The following BACH1 variants were observed in gnomAD, a reference collection of about 807,000 sequenced individuals.
BACH1 encodes the protein transcription regulator protein BACH1.
Under a neutral mutation model 52.9 loss-of-function variants are expected in BACH1, and 35 were observed. The ratio of observed to expected loss-of-function variants is 0.66; its 90% CI spans 0.51 to 0.88. The LOEUF (loss-of-function observed/expected upper bound fraction) is 0.88. Ranked by LOEUF, BACH1 falls within the 40% of genes least tolerant of loss-of-function variation. The pLI is 0.00. For missense variants in BACH1, 808 were observed against 872.6 expected (o/e 0.93, Z 0.93); for synonymous variants, 321 against 319.6 (o/e 1.00, Z -0.05).
At chr21:29,329,268 A>G (rs2088953313) in intron 3 of BACH1, among the ~76,000 whole-genome samples, 1 of 152,198 alleles carries the variant, frequency 6.6e-6, no homozygotes, top group African/African-American at 2.4e-5. Context: ...TGATTGTGCC[A>G]CCGTACTCCT....
intron 4 of BACH1, among the ~76,000 whole-genome samples, chr21:29,334,225 G>A (rs2089018997): frequency 6.6e-6 from 1 of 151,532 alleles, no homozygotes; most frequent in African/African-American, 2.4e-5. Context: ...GGCCTCCCGA[G>A]TAGCTGGGAC....
downstream of BACH1, among the ~76,000 whole-genome samples, chr21:29,347,673 G>A (rs1038940430): frequency 4.6e-5 from 7 of 152,216 alleles, no homozygotes; most frequent in Non-Finnish European, 1.5e-5. Context: ...ACCAGCCTTT[G>A]CAGGTGTGAC....
Position 29,326,431 on chromosome 21 carries a change from G to T in BACH1, c.607G>T (p.Ala203Ser). The T allele has an allele frequency of 1.2e-6, 2 of 1,614,196 alleles. No homozygotes were observed. The highest frequency in any genetic ancestry group is 1.7e-6 in the Non-Finnish European group (2 of 1,180,036). The change falls in exon 3 of 5, where the codon GCC becomes TCC. Residue 203 changes from alanine to serine, a missense_variant. By Grantham distance (99) the Ala-to-Ser change is moderately conservative. Transcript: ENST00000286800. ...AKASPPLQDSASQTYESMCLE... is the reference protein window; with the variant it reads ...AKASPPLQDSSSQTYESMCLE... ...AGCCTCACCTCCTCTACAAGACAGT[G>T]CCAGTCAGACATATGAGTCCATGTG...
At position 29,316,436 on chromosome 21, in the gene BACH1, A is replaced by G. The variant is rs187499083; in HGVS notation, c.-60-4785A>G. On this transcript the variant is annotated intron_variant, in intron 1 of 4. Coordinates refer to ENST00000286800, the MANE Select transcript of BACH1 (RefSeq NM_001186.4). ...GGTCAGCAAACTTTTATTTTGAATG[A>G]TAACAATAGTATTATTTCTAAGAAT... Among the ~76,000 whole-genome samples the G allele has an allele frequency of 1.6e-3, 247 of 152,352 alleles. 2 individuals are homozygous for G. The highest frequency in any genetic ancestry group is 5.6e-3 in the African/African-American group (232 of 41,588).
rs574838032 is a variant in BACH1 at position 29,298,968 on chromosome 21, C to T, written c.-61+15C>T. On this transcript the variant is annotated intron_variant, in intron 1 of 4. Transcript: ENST00000286800. ...CCTCAGCTCTGGTGAGTGGCTCGGC[C>T]GTCCCGCCGGCCCTTCTCCGGGAGG... is the stretch of plus-strand genomic sequence containing the variant. The T allele has an allele frequency of 4.0e-5, 6 of 151,886 alleles. 1 individual carries two copies. Among genetic ancestry groups the T allele is most frequent in the South Asian group, 2.1e-4 (1 of 4,830 alleles). The allele number at this position is 151,886 out of a possible 1,614,324, so 9.4% of individuals were successfully genotyped here.
chr21:29,320,849 C>T (rs1457520653), intron 1 of BACH1, among the ~76,000 whole-genome samples: 3 of 152,162 alleles, frequency 2.0e-5, no homozygotes, highest in Non-Finnish European at 4.4e-5. Context: ...GGCTGTCTCT[C>T]CTGCCTTCTC....
chr21:29,310,929 A>G (rs2088714346), intron 1 of BACH1, among the ~76,000 whole-genome samples: 1 of 152,204 alleles, frequency 6.6e-6, no homozygotes, highest in Admixed American at 6.5e-5. Flanking sequence ...ATCGAGGGGT[A>G]TAAGGAGGGT....
chr21:29,330,879 A>G (rs527561857), intron 4 of BACH1, among the ~76,000 whole-genome samples: 6 of 151,906 alleles, frequency 3.9e-5, no homozygotes, highest in African/African-American at 1.4e-4. Flanking sequence ...AATCATAACT[A>G]TATTAAAGAG....
chr21:29,356,323 A>G (rs2089234448), intron 2 of BACH1, among the ~76,000 whole-genome samples: 1 of 152,124 alleles, frequency 6.6e-6, no homozygotes, highest in Non-Finnish European at 1.5e-5. Flanking sequence ...TGGGGTTTTA[A>G]TTTTTCTTTG....
rs923196121 is a variant in BACH1 at position 29,344,506 on chromosome 21, T to C, written c.*1673T>C. On this transcript the variant is annotated 3_prime_UTR_variant, in exon 5 of 5. Transcript: ENST00000286800. ...TATTTTCAGTGGTTTGTATGTTCTC[T>C]CTGTCACTGACTTATTTGTAAGAGA... is the stretch of plus-strand genomic sequence containing the variant. 1.3e-5 allele frequency: 2 copies of C among 152,662 alleles called. No individual in the cohort carries two copies. Among genetic ancestry groups the C allele is most frequent in the Admixed American group, 6.5e-5 (1 of 15,278 alleles). The allele number at this position is 152,662 out of a possible 1,614,324, so 9.5% of individuals were successfully genotyped here. A position where few individuals can be genotyped will look rare whatever the true frequency, so the allele number is the denominator to read the frequency against.
intron 2 of BACH1, among the ~76,000 whole-genome samples, chr21:29,354,956 A>G (rs904749207): frequency 6.6e-6 from 1 of 152,200 alleles, no homozygotes; most frequent in Non-Finnish European, 1.5e-5. Context: ...TAATGGAGAT[A>G]AGGAACACTA....
chr21:29,326,736 A>G lies in BACH1; in HGVS notation c.912A>G (p.Ser304=), dbSNP rs761138517. ...DPASQCPTEK[S]EVTPFPHNSS... ...CTTCTCAGTGCCCAACTGAAAAATCAGAAGTGACTCCTTTCCCCCACAATT... is the reference window on the plus strand; with the variant it reads ...CTTCTCAGTGCCCAACTGAAAAATCGGAAGTGACTCCTTTCCCCCACAATT... The change falls in exon 3 of 5, where the codon TCA becomes TCG. Residue 304 remains serine, a synonymous_variant. Coordinates refer to ENST00000286800, the MANE Select transcript of BACH1 (RefSeq NM_001186.4). The G allele has an allele frequency of 1.9e-6, 3 of 1,614,100 alleles. No homozygotes were observed. The highest frequency in any genetic ancestry group is 1.1e-5 in the South Asian group (1 of 91,086).
At chr21:29,316,468 A>C (rs2088788084) in intron 1 of BACH1, among the ~76,000 whole-genome samples, 2 of 152,240 alleles carry the variant, frequency 1.3e-5, no homozygotes, top group Admixed American at 1.3e-4. Flanking sequence ...GAATATAGAA[A>C]AATGCAGGCG....
chr21:29,342,219 A>G (rs1258997011), intron 4 of BACH1, among the ~76,000 whole-genome samples, 180 bp from the exon 5 acceptor site: 2 of 152,224 alleles, frequency 1.3e-5, no homozygotes, highest in African/African-American at 4.8e-5. Context: ...ATCTGCCCCA[A>G]GAGTTTTGGG....
intron 1 of BACH1, among the ~76,000 whole-genome samples, chr21:29,311,541 A>G (rs920564646): frequency 5.3e-5 from 8 of 152,214 alleles, no homozygotes; most frequent in Admixed American, 3.3e-4. Flanking sequence ...TTTTTGGTGG[A>G]TACCTCTGTC....
chr21:29,316,629 G>C (rs757846914), intron 1 of BACH1, among the ~76,000 whole-genome samples: 1 of 152,224 alleles, frequency 6.6e-6, no homozygotes, highest in South Asian at 2.1e-4. Flanking sequence ...TTGTTACGTA[G>C]TTATTGGGTA....
Position 29,326,042 on chromosome 21 carries a change from A to C in BACH1, c.235-17A>C. ...GCTTTCAAATGATGTGTTTGTTTTT[A>C]TTTTGTGTATCAACAGGTGACAGTT... On this transcript the variant is annotated splice_polypyrimidine_tract_variant and intron_variant, in intron 2 of 4. Coordinates refer to ENST00000286800, the MANE Select transcript of BACH1 (RefSeq NM_001186.4). 1 of 1,570,048 alleles carries C rather than the reference A, an allele frequency of 6.4e-7. No individual in the cohort carries two copies.
At chr21:29,329,803 A>G in intron 4 of BACH1, 110 bp downstream of exon 4, 1 of 759,282 alleles carries the variant, frequency 1.3e-6, no homozygotes, top group African/African-American at 1.8e-5. Flanking sequence ...ACTTATTTTA[A>G]TATGTATCAA....
intron 4 of BACH1, among the ~76,000 whole-genome samples, chr21:29,338,051 T>C (rs1351663228): frequency 5.9e-5 from 9 of 152,076 alleles, no homozygotes; most frequent in Admixed American, 3.9e-4. Flanking sequence ...CCCTAGAACT[T>C]AAAGTATAAT....
Sources: allele counts gnomAD v4.1 joint callset (sites outside exome capture counted in the v4.1 genomes callset), GRCh38; gene constraint gnomAD v4.1.1; transcripts MANE v1.5; gene names NCBI Gene and HGNC (gene_info 2026-07-23, HGNC 2026-07-21).